The following TRPM3 variants were observed in gnomAD, a reference collection of about 807,000 sequenced individuals.
TRPM3 encodes the protein long transient receptor potential channel 3.
In TRPM3, 77 loss-of-function variants were observed where a neutral mutation model predicts 181.2. The observed-to-expected ratio is 0.42, with a 90% confidence interval of 0.35 to 0.51. The LOEUF is 0.51. TRPM3 is among the 20% of genes least tolerant of loss of function. The probability of loss-of-function intolerance (pLI) is 0.01; values close to 1 mark genes in which losing one functional copy is unlikely to be tolerated. For missense variants in TRPM3, 1,759 were observed against 2,196.7 expected, an observed-to-expected ratio of 0.80 and a Z score of 3.98; for synonymous variants, 745 against 796.4, an observed-to-expected ratio of 0.94 and a Z score of 1.09.
In TRPM3 at chr9:71,328,102, C is replaced by G. The variant is rs1384106946; in HGVS notation, c.183+118551G>C. Among the ~76,000 whole-genome samples, 3 of 151,138 alleles carry G rather than the reference C, an allele frequency of 2.0e-5. No individual in the cohort carries two copies. The East Asian group carries it at 5.8e-4, about 29-fold the overall frequency. On this transcript the variant is annotated intron_variant, in intron 1 of 24. Transcript: ENST00000357533. ...AAAACAAAAAAAAAACCCCAAGTGA[C>G]AAGAGTGAAGAAGCCAAAGGGTCTC...
At chr9:70,804,398 A>G (rs1158050534) in intron 6 of TRPM3, among the ~76,000 whole-genome samples, 2 of 152,216 alleles carry the variant, frequency 1.3e-5, no homozygotes, top group East Asian at 3.8e-4. Context: ...ATGTAAGTAG[A>G]CTTATAAACC....
At chr9:70,563,583 CTT>C (rs1564341918) in intron 22 of TRPM3, among the ~76,000 whole-genome samples, 2 of 152,242 alleles carry the variant, frequency 1.3e-5, no homozygotes, top group East Asian at 1.9e-4. Context: ...TAATCAGACT[CTT>C]TGTGTTTAGA....
intron 1 of TRPM3, among the ~76,000 whole-genome samples, chr9:71,269,119 A>G (rs550753384): frequency 6.6e-6 from 1 of 152,336 alleles, no homozygotes; most frequent in African/African-American, 2.4e-5. Context: ...CAACTTTAGA[A>G]ATACTTTGAA....
At chr9:70,653,390 C>T (rs2059844562) in intron 9 of TRPM3, among the ~76,000 whole-genome samples, 1 of 151,852 alleles carries the variant, frequency 6.6e-6, no homozygotes, top group Admixed American at 6.6e-5. Context: ...AGAGTCAGGG[C>T]CCACTTGAGG....
chr9:71,193,221 C>G (rs942987822), intron 1 of TRPM3, among the ~76,000 whole-genome samples: 1 of 151,776 alleles, frequency 6.6e-6, no homozygotes, highest in Non-Finnish European at 1.5e-5. Flanking sequence ...TCATTTCCCC[C>G]ACGTGGTCAT....
intron 6 of TRPM3, chr9:70,825,363 A>C (rs562382975): frequency 6.6e-6 from 1 of 152,258 alleles, no homozygotes; most frequent in Non-Finnish European, 1.5e-5. Flanking sequence ...TTATTAATAT[A>C]TTCACTGGAA....
chr9:71,273,250 G>A (rs2083943217), intron 1 of TRPM3, among the ~76,000 whole-genome samples: 2 of 152,108 alleles, frequency 1.3e-5, no homozygotes, highest in African/African-American at 4.8e-5. Context: ...TACTTGTTCT[G>A]TGCTCCATTC....
At chr9:70,800,825 C>G (rs1295326914) in intron 6 of TRPM3, among the ~76,000 whole-genome samples, 1 of 151,696 alleles carries the variant, frequency 6.6e-6, no homozygotes, top group East Asian at 1.9e-4. Flanking sequence ...TTTGAGAAGT[C>G]GAAAGTTACA....
chr9:71,174,658 C>T (rs1241699340), intron 1 of TRPM3, among the ~76,000 whole-genome samples: 1 of 151,928 alleles, frequency 6.6e-6, no homozygotes, highest in Admixed American at 6.6e-5. Flanking sequence ...AGCAAAGAAC[C>T]AGGAGTGTAA....
chr9:71,410,966 G>A (rs926549298), intron 1 of TRPM3, among the ~76,000 whole-genome samples: 35 of 152,202 alleles, frequency 2.3e-4, no homozygotes, highest in African/African-American at 7.2e-4. Context: ...ATCAATAAAC[G>A]TAATCCATCA....
At chr9:71,047,872 C>T (rs1245391917) in intron 1 of TRPM3, among the ~76,000 whole-genome samples, 1 of 147,302 alleles carries the variant, frequency 6.8e-6, no homozygotes, top group South Asian at 2.2e-4. Context: ...ACACAACAAA[C>T]AAATGAAAAA....
intron 1 of TRPM3, among the ~76,000 whole-genome samples, chr9:71,030,563 C>A (rs1426939466): frequency 4.7e-5 from 7 of 150,518 alleles, no homozygotes; most frequent in Non-Finnish European, 8.9e-5. Context: ...AGAAGTGAGA[C>A]CCCGTTCCAA....
chr9:71,196,165 ATATG>A lies in TRPM3; in HGVS notation c.183+250484_183+250487del, dbSNP rs993703806. Among the ~76,000 whole-genome samples the A allele has an allele frequency of 5.6e-5, 5 of 89,018 alleles. 1 individual carries two copies. The highest frequency in any genetic ancestry group is 1.0e-4 in the Admixed American group (1 of 9,672). The allele number at this position is 89,018 out of a possible 152,430, so 58.4% of individuals were successfully genotyped here. A position where few individuals can be genotyped will look rare whatever the true frequency, so the allele number is the denominator to read the frequency against. Reference sequence around the variant, plus strand: ...CGCATATATATATATACACACACGTATATGTGTGTGTGTGTGTGTGTGTGTGTGT... The same window carrying A: ...CGCATATATATATATACACACACGTATGTGTGTGTGTGTGTGTGTGTGTGT... On this transcript the variant is annotated intron_variant, in intron 1 of 24. Transcript: ENST00000357533.
chr9:70,851,746 G>C (rs141661117), intron 3 of TRPM3, among the ~76,000 whole-genome samples: 18 of 152,228 alleles, frequency 1.2e-4, no homozygotes, highest in African/African-American at 4.3e-4. Flanking sequence ...GATGAAGAAA[G>C]GGAGACAGTA....
At chr9:71,194,479 C>A (rs1392146009) in intron 1 of TRPM3, among the ~76,000 whole-genome samples, 10 of 151,882 alleles carry the variant, frequency 6.6e-5, no homozygotes, top group Admixed American at 6.6e-4. Flanking sequence ...TCCATGAAAG[C>A]TCCCACAGGT....
At chr9:71,102,724 A>C (rs2068631975) in intron 1 of TRPM3, among the ~76,000 whole-genome samples, 1 of 152,198 alleles carries the variant, frequency 6.6e-6, no homozygotes, top group African/African-American at 2.4e-5. Context: ...TGCTTTCTTG[A>C]ATATCTGGTA....
At chr9:70,828,103 G>A (rs2131692740) in intron 5 of TRPM3, 85 bp from the exon 6 acceptor site, 2 of 1,362,446 alleles carry the variant, frequency 1.5e-6, no homozygotes, top group Admixed American at 4.0e-5. Flanking sequence ...GGAAAGAGAG[G>A]AAGAAAGAAC....
intron 1 of TRPM3, among the ~76,000 whole-genome samples, chr9:71,181,443 C>T (rs781064913): frequency 1.3e-5 from 2 of 150,736 alleles, no homozygotes; most frequent in African/African-American, 2.4e-5. Context: ...ATAATCTGAG[C>T]CCTTAGGTCA....
chr9:71,309,870 AAG>A (rs2087750239), intron 1 of TRPM3, among the ~76,000 whole-genome samples: 2 of 152,140 alleles, frequency 1.3e-5, no homozygotes, highest in Admixed American at 1.3e-4. Context: ...AAAAATTTCT[AAG>A]AGTGATTTGT....
Sources: allele counts gnomAD v4.1 joint callset (sites outside exome capture counted in the v4.1 genomes callset), GRCh38; gene constraint gnomAD v4.1.1; transcripts MANE v1.5; gene names NCBI Gene and HGNC (gene_info 2026-07-23, HGNC 2026-07-21).